DDX47: variants seen among roughly 807,000 people sequenced by gnomAD.
DDX47 encodes the protein DEAD-box helicase 47.
Under a neutral mutation model 58.8 loss-of-function variants are expected in DDX47, and 60 were observed. The observed-to-expected ratio is 1.02, with a 90% CI of 0.83 to 1.26. The LOEUF (loss-of-function observed/expected upper bound fraction) is 1.26. Among genes scored for constraint, DDX47 ranks in the 50% most tolerant of loss-of-function variants. The pLI, the probability that DDX47 is intolerant of heterozygous loss-of-function variation, is 0.00. For missense variants in DDX47, 530 were observed against 573.2 expected (o/e 0.92, Z 0.77); for synonymous variants, 197 against 204.6 (o/e 0.96, Z 0.32).
At chr12:12,824,435 A>G (rs1254175040) in intron 8 of DDX47, 105 bp from the exon 9 acceptor site, 2 of 1,341,520 alleles carry the variant, frequency 1.5e-6, no homozygotes, top group African/African-American at 1.5e-5. Context: ...AGGGGGAAAA[A>G]CCTTTAAAAA....
rs750046911 is a variant in DDX47 at position 12,824,565 on chromosome 12, A to G, written c.923A>G (p.Lys308Arg). The stretch of plus-strand genomic sequence containing the variant: ...AGTAAGCGCCTAGGATCCCTTAATA[A>G]GTTTAAGGCCAAGGCCCGTTCCATT... ...SQSKRLGSLNKFKAKARSILL... is the reference protein window; with the variant it reads ...SQSKRLGSLNRFKAKARSILL... Residue 308 changes from lysine (K) to arginine (R), a missense_variant, in exon 9 of 12, where the codon AAG becomes AGG. Transcript: ENST00000358007. 1.1e-5 allele frequency: 18 copies of G among 1,612,522 alleles called. 1 individual carries two copies. The South Asian group carries it at 1.7e-4, about 15-fold the overall frequency.
intron 9 of DDX47, among the ~76,000 whole-genome samples, chr12:12,825,729 A>G (rs573669178): frequency 3.9e-5 from 6 of 152,180 alleles, no homozygotes; most frequent in Non-Finnish European, 7.3e-5. Context: ...CTGTTTTTTA[A>G]AATACCATGC....
chr12:12,828,777 A>G (rs909730953), intron 11 of DDX47, among the ~76,000 whole-genome samples: 2 of 152,200 alleles, frequency 1.3e-5, no homozygotes, highest in Non-Finnish European at 2.9e-5. Context: ...CATTGATAAC[A>G]TTTGGCTATT....
At chr12:12,814,373 C>T in intron 2 of DDX47, 149 bp downstream of exon 2, 2 of 612,300 alleles carry the variant, frequency 3.3e-6, no homozygotes, top group South Asian at 3.8e-5. Flanking sequence ...AAATGTCATT[C>T]TCCAATTTTA....
At chr12:12,824,318 A>C in intron 8 of DDX47, 1 of 559,222 alleles carries the variant, frequency 1.8e-6, no homozygotes, top group Non-Finnish European at 3.0e-6. Flanking sequence ...TTTCCCAGTT[A>C]CCTTTCTATC....
At chr12:12,817,728 C>A (rs147383006) in intron 2 of DDX47, among the ~76,000 whole-genome samples, 1 of 152,110 alleles carries the variant, frequency 6.6e-6, no homozygotes, top group African/African-American at 2.4e-5. Context: ...GGTATAAACA[C>A]TGAAAAGGCT....
At chr12:12,816,971 G>A (rs1395219998) in intron 2 of DDX47, among the ~76,000 whole-genome samples, 8 of 152,022 alleles carry the variant, frequency 5.3e-5, no homozygotes, top group African/African-American at 1.9e-4. Flanking sequence ...GAATAGGGAG[G>A]GGTCAGTGGA....
Sources: allele counts gnomAD v4.1 joint callset (sites outside exome capture counted in the v4.1 genomes callset), GRCh38; gene constraint gnomAD v4.1.1; transcripts MANE v1.5; gene names NCBI Gene and HGNC (gene_info 2026-07-23, HGNC 2026-07-21).